Variants in GRIN2B observed in about 807,000 individuals in gnomAD.
GRIN2B encodes the protein glutamate ionotropic receptor NMDA type subunit 2B.
A neutral mutation model predicts 114.5 loss-of-function variants in GRIN2B; 5 were observed. The ratio of observed to expected loss-of-function variants is 0.04; its 90% CI spans 0.02 to 0.09. The LOEUF (loss-of-function observed/expected upper bound fraction) is 0.09. Among genes scored for constraint, GRIN2B ranks in the 10% least tolerant of loss-of-function variants. The pLI is 1.00. For missense variants in GRIN2B, 1,108 were observed against 1,943.5 expected, an observed-to-expected ratio of 0.57 and a Z score of 8.08; for synonymous variants, 787 against 745.1, an observed-to-expected ratio of 1.06 and a Z score of -0.92.
At chr12:13,770,374 C>T (rs1430961790) in intron 3 of GRIN2B, among the ~76,000 whole-genome samples, 1 of 152,112 alleles carries the variant, frequency 6.6e-6, no homozygotes, top group Non-Finnish European at 1.5e-5. Context: ...TTGAATATAT[C>T]AGAATATGAC....
chr12:13,974,781 G>C (rs745673407), intron 2 of GRIN2B, among the ~76,000 whole-genome samples: 2 of 151,732 alleles, frequency 1.3e-5, no homozygotes, highest in Non-Finnish European at 2.9e-5. Flanking sequence ...GGCAGGTACA[G>C]ACAGAGCTAA....
chr12:13,610,477 G>T (rs1490010375), intron 9 of GRIN2B, among the ~76,000 whole-genome samples: 1 of 152,138 alleles, frequency 6.6e-6, no homozygotes, highest in Non-Finnish European at 1.5e-5. Context: ...CTTCTCACTG[G>T]TGCCACACAG....
Position 13,709,746 on chromosome 12 carries a change from C to T in GRIN2B, c.1011-33887G>A, listed in dbSNP as rs190962611. ...AGTCCCGGCAGGTATTATTTCTCAG[C>T]ATTCCCTTTTCATTCTTCCAGCTGT... is the stretch of plus-strand genomic sequence containing the variant. On this transcript the variant is annotated intron_variant, in intron 4 of 13. Transcript: ENST00000609686. Among the ~76,000 whole-genome samples the T allele has an allele frequency of 8.9e-4, 135 of 152,134 alleles. 2 individuals carry two copies. The highest frequency in any genetic ancestry group is 3.2e-3 in the African/African-American group (131 of 41,556).
chr12:13,822,036 A>C (rs904718996), intron 3 of GRIN2B, among the ~76,000 whole-genome samples: 5 of 152,288 alleles, frequency 3.3e-5, no homozygotes, highest in African/African-American at 1.2e-4. Flanking sequence ...CCAGGGAATG[A>C]TATTGAAGAC....
chr12:13,953,260 G>A (rs1019416992), intron 2 of GRIN2B, among the ~76,000 whole-genome samples: 3 of 152,220 alleles, frequency 2.0e-5, no homozygotes, highest in Admixed American at 1.3e-4. Context: ...GGCCTCAGAA[G>A]TCACGTAGAG....
intron 3 of GRIN2B, among the ~76,000 whole-genome samples, chr12:13,796,082 T>A (rs200850760): frequency 1.2e-4 from 17 of 141,248 alleles, no homozygotes; most frequent in East Asian, 2.0e-4. Flanking sequence ...AAAGTATAAT[T>A]AAAAAAAAAA....
intron 2 of GRIN2B, among the ~76,000 whole-genome samples, chr12:13,881,513 C>A (rs1866072502): frequency 6.6e-6 from 1 of 152,204 alleles, no homozygotes; most frequent in South Asian, 2.1e-4. Context: ...AGAAGAAAGG[C>A]CTGGTTTCAC....
intron 3 of GRIN2B, among the ~76,000 whole-genome samples, chr12:13,807,847 T>A (rs1242816557): frequency 6.6e-6 from 1 of 151,480 alleles, no homozygotes; most frequent in African/African-American, 2.4e-5. Context: ...AGCAGGACTG[T>A]CATAGAATCA....
At chr12:13,824,377 C>T (rs1269256126) in intron 3 of GRIN2B, among the ~76,000 whole-genome samples, 1 of 152,090 alleles carries the variant, frequency 6.6e-6, no homozygotes, top group African/African-American at 2.4e-5. Context: ...AGGTGTTTGT[C>T]TATTTACCCA....
chr12:13,739,793 G>C (rs1247215413), intron 4 of GRIN2B, among the ~76,000 whole-genome samples: 1 of 152,188 alleles, frequency 6.6e-6, no homozygotes, highest in Admixed American at 6.5e-5. Context: ...TGAGCCACTA[G>C]AGGCCGCTCT....
At chr12:13,941,064 T>C (rs1867239851) in intron 2 of GRIN2B, among the ~76,000 whole-genome samples, 1 of 62,494 alleles carries the variant, frequency 1.6e-5, no homozygotes. Flanking sequence ...GACACACATA[T>C]GTTCACACAC....
rs202006928 is a variant in GRIN2B, at chr12:13,564,265, G to C, written c.2973C>G (p.Pro991=). Residue 991 remains proline, a synonymous_variant, in exon 14 of 14, where the codon CCC becomes CCG. Transcript: ENST00000609686. This position sits in a 1 kb window ranked among gnomAD's most constrained non-coding sequence, Gnocchi z 4.8. ...TGGAGCTGGCACTGCCAATACTATGGGGCCGGTGGTGATGGTGGTAGTGAT... is the reference window on the plus strand; with the variant it reads ...TGGAGCTGGCACTGCCAATACTATGCGGCCGGTGGTGATGGTGGTAGTGAT... ...YQDHYHHHHR[P]HSIGSASSID... is the part of the protein sequence containing the mutation. 6.2e-7 allele frequency: 1 copy of C among 1,614,174 alleles called. No individual in the cohort carries two copies. The highest frequency in any genetic ancestry group is 2.2e-5 in the East Asian group (1 of 44,874).
At chr12:13,784,093 A>G (rs373164335) in intron 3 of GRIN2B, among the ~76,000 whole-genome samples, 111 of 151,840 alleles carry the variant, frequency 7.3e-4, no homozygotes, top group East Asian at 6.8e-3. Context: ...GCATGGTGGC[A>G]GGCACCTGTA....
In GRIN2B at chr12:13,846,986, G is replaced by A. The variant is rs181257250; in HGVS notation, c.411+18812C>T. 2.6e-5 allele frequency among the ~76,000 whole-genome samples: 4 copies of A among 152,214 alleles called. No individual in the cohort carries two copies. The East Asian group carries it at 5.8e-4, about 22-fold the overall frequency. ...AGGAAGGTTAAAAGAGGCCAAACAC[G>A]TGTCGCGGTTGCTATTATTTTCCTT... On this transcript the variant is annotated intron_variant, in intron 3 of 13. Coordinates refer to ENST00000609686, the MANE Select transcript of GRIN2B (RefSeq NM_000834.5).
chr12:13,864,203 T>A (rs1865789480), intron 3 of GRIN2B, among the ~76,000 whole-genome samples: 1 of 152,216 alleles, frequency 6.6e-6, no homozygotes, highest in African/African-American at 2.4e-5. Context: ...TTAACACTTT[T>A]AACTTGACCT....
intron 4 of GRIN2B, among the ~76,000 whole-genome samples, chr12:13,689,701 C>T (rs1204262275): frequency 6.6e-6 from 1 of 152,142 alleles, no homozygotes; most frequent in Non-Finnish European, 1.5e-5. Flanking sequence ...CTCCGCACTG[C>T]CTAGAGCCAA....
intron 8 of GRIN2B, among the ~76,000 whole-genome samples, chr12:13,613,809 G>A (rs1166295460): frequency 6.6e-6 from 1 of 151,972 alleles, no homozygotes; most frequent in Non-Finnish European, 1.5e-5. Flanking sequence ...AATAAATGTT[G>A]GCTTCTCTTA....
At chr12:13,721,676 A>C (rs1158571201) in intron 4 of GRIN2B, among the ~76,000 whole-genome samples, 2 of 152,106 alleles carry the variant, frequency 1.3e-5, no homozygotes, top group Non-Finnish European at 2.9e-5. Context: ...TTAGTAGGTA[A>C]CTAGAGAGTC....
At chr12:13,781,455 C>G (rs1864111205) in intron 3 of GRIN2B, among the ~76,000 whole-genome samples, 1 of 152,166 alleles carries the variant, frequency 6.6e-6, no homozygotes, top group South Asian at 2.1e-4. Flanking sequence ...GATGATAATT[C>G]TATTGTACTT....
Sources: allele counts gnomAD v4.1 joint callset (sites outside exome capture counted in the v4.1 genomes callset), GRCh38; gene constraint gnomAD v4.1.1; non-coding constraint Gnocchi (gnomAD v3.1); transcripts MANE v1.5; gene names NCBI Gene and HGNC (gene_info 2026-07-23, HGNC 2026-07-21).